The following CCDC187 variants were observed in gnomAD, a reference collection of about 807,000 sequenced individuals.
CCDC187 encodes the protein coiled-coil domain containing 187.
Under a neutral mutation model 38.0 loss-of-function variants are expected in CCDC187, and 32 were observed. The ratio of observed to expected loss-of-function variants is 0.84; its 90% CI spans 0.64 to 1.13. CCDC187 has a LOEUF of 1.13. Among genes scored for constraint, CCDC187 ranks in the 50% most tolerant of loss-of-function variants. The pLI is 0.00. For missense variants in CCDC187, 707 were observed against 786.8 expected, an observed-to-expected ratio of 0.90 and a Z score of 1.21; for synonymous variants, 333 against 347.9, an observed-to-expected ratio of 0.96 and a Z score of 0.48.
upstream of CCDC187, among the ~76,000 whole-genome samples, chr9:136,306,353 T>G (rs1831803946): frequency 2.6e-5 from 4 of 152,146 alleles, no homozygotes; most frequent in East Asian, 1.9e-4. Flanking sequence ...TCCAGCTCAG[T>G]GAGGCACATG....
At chr9:136,305,295 G>A (rs1831782831), upstream of CCDC187, among the ~76,000 whole-genome samples, 1 of 152,216 alleles carries the variant, frequency 6.6e-6, no homozygotes, top group Admixed American at 6.5e-5. Flanking sequence ...GAACATGTCT[G>A]GGATGTTACA....
rs1390680252 is a variant in CCDC187, at chr9:136,264,508, T to C, written c.3736-710A>G. Among the ~76,000 whole-genome samples, 1 of 152,186 alleles carries C rather than the reference T, an allele frequency of 6.6e-6. No homozygotes were observed. The highest frequency in any genetic ancestry group is 1.5e-5 in the Non-Finnish European group (1 of 68,008). Reference sequence around the variant, plus strand: ...CCCCTTTTGTTTCCCCGGCTCACGTTGTTCTCTGTGGTGCCTGCCTTTTCC... The same window carrying C: ...CCCCTTTTGTTTCCCCGGCTCACGTCGTTCTCTGTGGTGCCTGCCTTTTCC... On this transcript the variant is annotated intron_variant, in intron 17 of 25. Coordinates refer to ENST00000638797, the MANE Select transcript of CCDC187 (RefSeq NM_001378188.1). The surrounding 1 kb of genome is among the most constrained non-coding windows in gnomAD (Gnocchi z 4.3).
intron 4 of CCDC187, among the ~76,000 whole-genome samples, chr9:136,293,213 G>A (rs1831387698): frequency 1.7e-5 from 2 of 116,840 alleles, no homozygotes; most frequent in East Asian, 6.4e-4. Flanking sequence ...ACAAACACAT[G>A]CTCACACACT....
At chr9:136,285,784 G>A in intron 8 of CCDC187, 178 bp from the exon 9 acceptor site, 1 of 397,152 alleles carries the variant, frequency 2.5e-6, no homozygotes, top group Non-Finnish European at 4.4e-6. Context: ...AGCAGGGAAG[G>A]AGCCACTGGA....
chr9:136,279,889 T>TAAAAGG, intron 10 of CCDC187, among the ~76,000 whole-genome samples: 1 of 152,198 alleles, frequency 6.6e-6, no homozygotes, highest in Non-Finnish European at 1.5e-5. Context: ...AGGTTCACTA[T>TAAAAGG]AAAAGGAAGA....
chr9:136,301,648 G>A (rs936703425), intron 2 of CCDC187, among the ~76,000 whole-genome samples: 16 of 147,690 alleles, frequency 1.1e-4, no homozygotes, highest in Admixed American at 2.7e-4. Flanking sequence ...GTGCAGTGGC[G>A]CAATCTCGAC....
At position 136,250,830 on chromosome 9, in the gene CCDC187, G is replaced by A. The variant is rs1554759243; in HGVS notation, c.*2764C>T. 1 of 456,186 alleles carries A rather than the reference G, an allele frequency of 2.2e-6. No homozygotes were observed. Among genetic ancestry groups the A allele is most frequent in the Non-Finnish European group, 4.4e-6 (1 of 226,916 alleles). 28.3% of individuals were successfully genotyped at this position (456,186 alleles called of 1,614,324 possible). On this transcript the variant is annotated 3_prime_UTR_variant, in exon 26 of 26. Transcript: ENST00000638797. Reference sequence around the variant, plus strand: ...GGGGCTAAGCAGCCGCCCCGGGGCTGGAGAAGGCAGGCTGGGTCCAGCTGC... The same window carrying A: ...GGGGCTAAGCAGCCGCCCCGGGGCTAGAGAAGGCAGGCTGGGTCCAGCTGC...
rs1456885658 is a variant in CCDC187, at chr9:136,304,050, G to A, written c.-220C>T. The A allele has an allele frequency of 6.6e-6, 1 of 152,274 alleles. No individual in the cohort carries two copies. Among genetic ancestry groups the A allele is most frequent in the Non-Finnish European group, 1.5e-5 (1 of 68,088 alleles). The allele number at this position is 152,274 out of a possible 1,614,324, so 9.4% of individuals were successfully genotyped here. ...GTCATTGAAACTGGGCTGGCACGGT[G>A]GGCAGCCCGGCCCTGGGCTGGCCAC... On this transcript the variant is annotated 5_prime_UTR_variant, in exon 1 of 26. Coordinates refer to ENST00000638797, the MANE Select transcript of CCDC187 (RefSeq NM_001378188.1).
At chr9:136,269,257 A>G (rs1249366969) in intron 14 of CCDC187, among the ~76,000 whole-genome samples, 2 of 152,250 alleles carry the variant, frequency 1.3e-5, no homozygotes, top group Admixed American at 1.3e-4. Context: ...GATTAGCCCC[A>G]GGCTGAGCAC....
intron 7 of CCDC187, among the ~76,000 whole-genome samples, chr9:136,288,507 A>G (rs1293993551): frequency 6.6e-6 from 1 of 152,160 alleles, no homozygotes; most frequent in East Asian, 1.9e-4. Flanking sequence ...GCCCGCTGGA[A>G]CCCAGGGCAT....
intron 14 of CCDC187, among the ~76,000 whole-genome samples, chr9:136,271,507 C>A (rs782427064): frequency 6.6e-6 from 1 of 151,248 alleles, no homozygotes; most frequent in African/African-American, 2.4e-5. Context: ...GGCAACAGAG[C>A]GAGACTCTGT....
At chr9:136,292,940 T>C (rs982649148) in intron 4 of CCDC187, among the ~76,000 whole-genome samples, 114,796 of 152,202 alleles carry the variant, frequency 0.75, 43,375 homozygotes, top group East Asian at 0.82. Flanking sequence ...AATGGCATCA[T>C]GCAGTGAGTG....
At chr9:136,273,307 G>C (rs1450424034) in intron 14 of CCDC187, among the ~76,000 whole-genome samples, 16 of 152,174 alleles carry the variant, frequency 1.1e-4, no homozygotes, top group Non-Finnish European at 4.4e-5. Context: ...CAAATAAATG[G>C]AAAGTAAAAG....
chr9:136,293,244 C>T (rs1700249979), intron 4 of CCDC187, among the ~76,000 whole-genome samples: 1 of 146,352 alleles, frequency 6.8e-6, no homozygotes, highest in African/African-American at 2.7e-5. Flanking sequence ...CGCTCACACT[C>T]ACATGCTTAC....
At position 136,257,425 on chromosome 9, in the gene CCDC187, CT is replaced by C. The variant is rs1830627191; in HGVS notation, c.4367-585del. On this transcript the variant is annotated intron_variant, in intron 22 of 25. Transcript: ENST00000638797. This position sits in a 1 kb window ranked among gnomAD's most constrained non-coding sequence, Gnocchi z 4.5. ...AATAATAATTTAGAGGCCTCTTTCCCTCCCTTGGGGGAAACCTTTTGCCAGA... is the reference window on the plus strand; with the variant it reads ...AATAATAATTTAGAGGCCTCTTTCCCCCCTTGGGGGAAACCTTTTGCCAGA... Among the ~76,000 whole-genome samples the C allele has an allele frequency of 6.6e-6, 1 of 152,000 alleles. No individual in the cohort carries two copies. The highest frequency in any genetic ancestry group is 1.9e-4 in the East Asian group (1 of 5,194).
At chr9:136,290,314 C>T (rs1301661225) in intron 6 of CCDC187, among the ~76,000 whole-genome samples, 172 bp downstream of exon 6, 2 of 151,992 alleles carry the variant, frequency 1.3e-5, no homozygotes, top group African/African-American at 2.4e-5. Flanking sequence ...TCCACAGAAG[C>T]TCTGGCTTTC....
At chr9:136,261,801 T>C (rs1830681926) in intron 19 of CCDC187, among the ~76,000 whole-genome samples, 1 of 152,200 alleles carries the variant, frequency 6.6e-6, no homozygotes, top group African/African-American at 2.4e-5. Flanking sequence ...CGAGGGGTTC[T>C]GTGATAGAGT....
rs905585982 is a variant in CCDC187, at chr9:136,254,069, G to A, written c.5759C>T (p.Pro1920Leu). Residue 1920 changes from proline to leucine, a missense_variant, in exon 26 of 26, where the codon CCG (proline) becomes CTG (leucine). Pro to Leu is a moderately conservative substitution (Grantham distance 98). Transcript: ENST00000638797. ...GAGTTTGCTCTTGGTGGATGGGCTCGGGTCAGCATCCCGGGTTCCCTCCTG... is the reference window on the plus strand; with the variant it reads ...GAGTTTGCTCTTGGTGGATGGGCTCAGGTCAGCATCCCGGGTTCCCTCCTG... ...GYQEGTRDAD[P>L]SPSTKSKLPY... 5.1e-5 allele frequency: 50 copies of A among 985,052 alleles called. No individual in the cohort carries two copies. Among genetic ancestry groups the A allele is most frequent in the South Asian group, 1.9e-4 (4 of 21,268 alleles). The allele number at this position is 985,052 out of a possible 1,614,324, so 61.0% of individuals were successfully genotyped here. A position where few individuals can be genotyped will look rare whatever the true frequency, so the allele number is the denominator to read the frequency against.
In CCDC187 at chr9:136,267,413, C is replaced by G. The variant is rs1220632795; in HGVS notation, c.3618G>C (p.Ala1206=). ...GTCGATGCTCCAGCCAGGCCAGCTCCGCGAGCGTTTTCTCCTGGAGCGCCA... is the reference window on the plus strand; with the variant it reads ...GTCGATGCTCCAGCCAGGCCAGCTCGGCGAGCGTTTTCTCCTGGAGCGCCA... ...REMALQEKTL[A]ELAWLEHRRG... Residue 1206 remains alanine (A), a synonymous_variant, in exon 16 of 26, where the codon GCG becomes GCC. Coordinates refer to ENST00000638797, the MANE Select transcript of CCDC187 (RefSeq NM_001378188.1). 1 of 985,582 alleles carries G rather than the reference C, an allele frequency of 1.0e-6. No individual in the cohort carries two copies. The highest frequency in any genetic ancestry group is 1.7e-5 in the African/African-American group (1 of 57,366). The allele number at this position is 985,582 out of a possible 1,614,324, so 61.1% of individuals were successfully genotyped here. A position where few individuals can be genotyped will look rare whatever the true frequency, so the allele number is the denominator to read the frequency against.
Sources: allele counts gnomAD v4.1 joint callset (sites outside exome capture counted in the v4.1 genomes callset), GRCh38; gene constraint gnomAD v4.1.1; non-coding constraint Gnocchi (gnomAD v3.1); transcripts MANE v1.5; gene names NCBI Gene and HGNC (gene_info 2026-07-23, HGNC 2026-07-21).